The following ATP8A2 variants were observed in gnomAD, a reference collection of about 807,000 sequenced individuals.
The protein encoded by ATP8A2 is ATPase phospholipid transporting 8A2, also known as phospholipid-transporting ATPase IB.
Under a neutral mutation model 165.6 loss-of-function variants are expected in ATP8A2, and 100 were observed. The ratio of observed to expected loss-of-function variants is 0.60; its 90% CI spans 0.51 to 0.71. ATP8A2 has a LOEUF of 0.71. ATP8A2 is among the 30% of genes least tolerant of loss of function. The pLI is 0.00. For missense variants in ATP8A2, 1,227 were observed against 1,479.5 expected, an observed-to-expected ratio of 0.83 and a Z score of 2.80; for synonymous variants, 543 against 548.8, an observed-to-expected ratio of 0.99 and a Z score of 0.15.
At chr13:25,527,774 TG>T (rs1249004265) in intron 2 of ATP8A2, among the ~76,000 whole-genome samples, 1 of 152,134 alleles carries the variant, frequency 6.6e-6, no homozygotes, top group Non-Finnish European at 1.5e-5. Context: ...CTCAGGGATA[TG>T]TAGGTCCTTA....
At chr13:25,537,723 A>G (rs1482573103) in intron 6 of ATP8A2, among the ~76,000 whole-genome samples, 6 of 152,192 alleles carry the variant, frequency 3.9e-5, no homozygotes, top group Non-Finnish European at 8.8e-5. Context: ...CGAGATCTTT[A>G]TAGCTGTTCT....
intron 33 of ATP8A2, chr13:25,944,873 C>A (rs9581488): frequency 6.6e-6 from 1 of 151,910 alleles, no homozygotes; most frequent in African/African-American, 2.4e-5. Context: ...TAGTCTCTTA[C>A]TGTATGACCT....
rs1201597221 is a variant in ATP8A2 at position 25,736,423 on chromosome 13, C to T, written c.2385-32623C>T. ...GGGTAGGAATCATGTATTAACTGAA[C>T]GCGACATGAGGTTGAAATGATTATT... On this transcript the variant is annotated intron_variant, in intron 25 of 36. Coordinates refer to ENST00000381655, the MANE Select transcript of ATP8A2 (RefSeq NM_016529.6). Among the ~76,000 whole-genome samples the T allele has an allele frequency of 2.0e-5, 3 of 152,130 alleles. No individual in the cohort carries two copies. In the South Asian group the frequency reaches 6.2e-4, roughly 32 times the overall value.
In ATP8A2 at chr13:25,941,674, A is replaced by G. The variant is rs114554587; in HGVS notation, c.3184-19901A>G. 9.9e-4 allele frequency among the ~76,000 whole-genome samples: 151 copies of G among 152,242 alleles called. 1 individual carries two copies. Among genetic ancestry groups the G allele is most frequent in the African/African-American group, 3.5e-3 (146 of 41,538 alleles). On this transcript the variant is annotated intron_variant, in intron 33 of 36. Coordinates refer to ENST00000381655, the MANE Select transcript of ATP8A2 (RefSeq NM_016529.6). ...TAGTCCTGGCAGCAGCACACACTGA[A>G]TCCAACTGTGGTGACTTCATGCCTG...
At chr13:25,386,411 C>T (rs4770823) in intron 1 of ATP8A2, among the ~76,000 whole-genome samples, 92,655 of 151,978 alleles carry the variant, frequency 0.61, 30,401 homozygotes, top group East Asian at 0.79. Context: ...ATGGGAATAT[C>T]GAGGCAGGCT....
chr13:25,835,753 A>G (rs1177911774), intron 28 of ATP8A2, among the ~76,000 whole-genome samples: 1 of 152,166 alleles, frequency 6.6e-6, no homozygotes, highest in African/African-American at 2.4e-5. Flanking sequence ...AAGTCTTGCA[A>G]GGCACCATCT....
intron 33 of ATP8A2, among the ~76,000 whole-genome samples, chr13:25,875,651 A>AT (rs1952802673): frequency 6.7e-6 from 1 of 149,772 alleles, no homozygotes; most frequent in Non-Finnish European, 1.5e-5. Context: ...CAAACCATAT[A>AT]TTTTTTTCAC....
In ATP8A2 at chr13:25,649,715, T is replaced by TGTG. The variant is rs565099277; in HGVS notation, c.2212-49452_2212-49450dup. Among the ~76,000 whole-genome samples, 33 of 152,272 alleles carry TGTG rather than the reference T, an allele frequency of 2.2e-4. 1 individual carries two copies. In the South Asian group the frequency reaches 6.6e-3, roughly 31 times the overall value. ...AGCTTTCCATTTTGCTGCAATTCCC[T>TGTG]GTGGTGGTTGTTGTCCTCCATGGGC... On this transcript the variant is annotated intron_variant, in intron 24 of 36. Transcript: ENST00000381655.
At chr13:25,951,461 C>G (rs1326767070) in intron 33 of ATP8A2, among the ~76,000 whole-genome samples, 1 of 152,170 alleles carries the variant, frequency 6.6e-6, no homozygotes, top group African/African-American at 2.4e-5. Flanking sequence ...TGATAGCAGG[C>G]AGGGCAGGAA....
intron 33 of ATP8A2, among the ~76,000 whole-genome samples, chr13:25,923,437 G>GC (rs1171929646): frequency 6.6e-6 from 1 of 152,188 alleles, no homozygotes; most frequent in Non-Finnish European, 1.5e-5. Context: ...CACAGGTTGT[G>GC]AAATCCTTAT....
At chr13:25,677,654 A>G (rs767728834) in intron 24 of ATP8A2, among the ~76,000 whole-genome samples, 3 of 152,324 alleles carry the variant, frequency 2.0e-5, no homozygotes, top group Non-Finnish European at 4.4e-5. Context: ...GTGAAGGGTA[A>G]GGTGAATAGA....
At chr13:26,012,333 G>A (rs1956866449) in intron 35 of ATP8A2, among the ~76,000 whole-genome samples, 198 bp from the exon 36 acceptor site, 1 of 152,146 alleles carries the variant, frequency 6.6e-6, no homozygotes, top group Non-Finnish European at 1.5e-5. Flanking sequence ...GACTGGAAAC[G>A]GCGTTTTCCA....
intron 2 of ATP8A2, among the ~76,000 whole-genome samples, chr13:25,472,901 G>T (rs1244384245): frequency 1.3e-5 from 2 of 152,192 alleles, no homozygotes; most frequent in East Asian, 3.8e-4. Flanking sequence ...CTCTGCGCTT[G>T]CCTTTCTGGG....
At chr13:25,701,672 T>C (rs1341068256) in intron 25 of ATP8A2, among the ~76,000 whole-genome samples, 2 of 151,952 alleles carry the variant, frequency 1.3e-5, no homozygotes. Flanking sequence ...CAGGAATGCC[T>C]GTAAGGGTTT....
At chr13:25,593,460 T>C (rs2138321888) in intron 24 of ATP8A2, among the ~76,000 whole-genome samples, 1 of 152,282 alleles carries the variant, frequency 6.6e-6, no homozygotes, top group Non-Finnish European at 1.5e-5. Flanking sequence ...CTCCATAATA[T>C]AGATGAGATC....
At chr13:25,752,324 G>C (rs1206297840) in intron 25 of ATP8A2, among the ~76,000 whole-genome samples, 2 of 152,036 alleles carry the variant, frequency 1.3e-5, no homozygotes, top group African/African-American at 4.8e-5. Context: ...AGCCAGGAGT[G>C]GTGGCATACC....
chr13:25,497,457 T>A (rs1197849605), intron 2 of ATP8A2, among the ~76,000 whole-genome samples: 5 of 152,240 alleles, frequency 3.3e-5, no homozygotes, highest in Non-Finnish European at 7.3e-5. Flanking sequence ...GTTTAGATAA[T>A]ACTTTTTCAG....
chr13:25,538,253 T>C (rs1219688360), intron 7 of ATP8A2, among the ~76,000 whole-genome samples, 192 bp downstream of exon 7: 1 of 152,216 alleles, frequency 6.6e-6, no homozygotes, highest in Non-Finnish European at 1.5e-5. Context: ...TCCTTTGTGC[T>C]TTTTCTGAAC....
intron 6 of ATP8A2, among the ~76,000 whole-genome samples, chr13:25,536,583 A>G (rs991463832): frequency 6.6e-6 from 1 of 152,304 alleles, no homozygotes; most frequent in East Asian, 1.9e-4. Flanking sequence ...CCCAACAGAA[A>G]ATTAAACATG....
Sources: allele counts gnomAD v4.1 joint callset (sites outside exome capture counted in the v4.1 genomes callset), GRCh38; gene constraint gnomAD v4.1.1; transcripts MANE v1.5; gene names NCBI Gene and HGNC (gene_info 2026-07-23, HGNC 2026-07-21).